The following MTUS2 variants were observed in gnomAD, a reference collection of about 807,000 sequenced individuals.
MTUS2 encodes microtubule associated scaffold protein 2.
A neutral mutation model predicts 114.1 loss-of-function variants in MTUS2; 40 were observed. That is an observed-to-expected ratio of 0.35 (90% CI 0.27 to 0.46). MTUS2 has a LOEUF of 0.46. Among genes scored for constraint, MTUS2 ranks in the 20% least tolerant of loss-of-function variants. The probability of loss-of-function intolerance (pLI) is 1.00; values close to 1 mark genes in which losing one functional copy is unlikely to be tolerated. For missense variants in MTUS2, 1,679 were observed against 1,705.4 expected, an observed-to-expected ratio of 0.98 and a Z score of 0.27; for synonymous variants, 688 against 672.0, an observed-to-expected ratio of 1.02 and a Z score of -0.37.
chr13:29,420,469 G>C (rs1022256715), intron 8 of MTUS2, among the ~76,000 whole-genome samples: 14 of 151,920 alleles, frequency 9.2e-5, no homozygotes, highest in African/African-American at 3.1e-4. Context: ...GTAGAGAGAG[G>C]GTTTCACCAT....
intron 5 of MTUS2, among the ~76,000 whole-genome samples, chr13:29,176,677 G>T (rs766987097): frequency 6.6e-6 from 1 of 152,096 alleles, no homozygotes; most frequent in Non-Finnish European, 1.5e-5. Flanking sequence ...TCCCTTTCAC[G>T]AGGGCTCCAC....
rs200473116 is a variant in MTUS2 at position 29,144,365 on chromosome 13, ATT to A, written c.2644+43409_2644+43410del. Reference sequence around the variant, plus strand: ...CATCTGGAGGTCTGACTGGGGAATAATTTTTTTTTTTTTTTGAGTTGGGGGTG... The same window carrying A: ...CATCTGGAGGTCTGACTGGGGAATAATTTTTTTTTTTTTGAGTTGGGGGTG... On this transcript the variant is annotated intron_variant, in intron 5 of 15. Transcript: ENST00000612955. Among the ~76,000 whole-genome samples the A allele has an allele frequency of 3.1e-3, 443 of 142,850 alleles. 1 individual carries two copies. Among genetic ancestry groups the A allele is most frequent in the African/African-American group, 0.01 (397 of 38,868 alleles). 93.7% of individuals were successfully genotyped at this position (142,850 alleles called of 152,430 possible).
chr13:28,870,823 C>G (rs981459206), intron 2 of MTUS2, among the ~76,000 whole-genome samples: 3 of 152,170 alleles, frequency 2.0e-5, no homozygotes, highest in Non-Finnish European at 2.9e-5. Context: ...TTCCTCCTCC[C>G]CATGAATGAC....
At chr13:29,231,974 T>G (rs560953886) in intron 5 of MTUS2, among the ~76,000 whole-genome samples, 1 of 152,340 alleles carries the variant, frequency 6.6e-6, no homozygotes, top group South Asian at 2.1e-4. Flanking sequence ...TATAAGAATT[T>G]TTTTACTTAT....
At chr13:29,249,795 A>G (rs1478901930) in intron 5 of MTUS2, among the ~76,000 whole-genome samples, 2 of 152,162 alleles carry the variant, frequency 1.3e-5, no homozygotes, top group Non-Finnish European at 2.9e-5. Flanking sequence ...TATTTAATAA[A>G]TGGTTCTGGG....
intron 2 of MTUS2, among the ~76,000 whole-genome samples, chr13:28,900,737 T>A (rs1278264021): frequency 6.6e-6 from 1 of 152,202 alleles, no homozygotes; most frequent in African/African-American, 2.4e-5. Flanking sequence ...ACATACATTG[T>A]ATTAGTTGAC....
intron 5 of MTUS2, among the ~76,000 whole-genome samples, chr13:29,234,535 A>G (rs1896458046): frequency 6.6e-6 from 1 of 152,168 alleles, no homozygotes; most frequent in African/African-American, 2.4e-5. Flanking sequence ...TTAAAAAATT[A>G]TTTTGATGGA....
intron 2 of MTUS2, among the ~76,000 whole-genome samples, chr13:28,905,039 G>A (rs1879900781): frequency 6.6e-6 from 1 of 151,636 alleles, no homozygotes; most frequent in African/African-American, 2.4e-5. Flanking sequence ...GTTCACTCAT[G>A]ATTTGGCTCT....
At chr13:28,985,526 T>C (rs1834004315) in intron 2 of MTUS2, among the ~76,000 whole-genome samples, 1 of 152,128 alleles carries the variant, frequency 6.6e-6, no homozygotes, top group Admixed American at 6.5e-5. Flanking sequence ...TTCCTTATAT[T>C]TTAAAATATT....
chr13:29,361,688 G>C (rs1298778210), intron 8 of MTUS2, among the ~76,000 whole-genome samples: 2 of 152,082 alleles, frequency 1.3e-5, no homozygotes, highest in Non-Finnish European at 2.9e-5. Flanking sequence ...GAGAACCCAA[G>C]GTACCCCATG....
At chr13:28,974,932 T>C (rs368743285) in intron 2 of MTUS2, among the ~76,000 whole-genome samples, 1 of 152,240 alleles carries the variant, frequency 6.6e-6, no homozygotes, top group African/African-American at 2.4e-5. Context: ...AAAGAAAATA[T>C]GCATAGCTCT....
At chr13:28,961,031 G>A (rs912361489) in intron 2 of MTUS2, among the ~76,000 whole-genome samples, 1 of 152,098 alleles carries the variant, frequency 6.6e-6, no homozygotes, top group Non-Finnish European at 1.5e-5. Flanking sequence ...GAATGGAGGA[G>A]ACAGAGGAGA....
chr13:28,933,673 C>T lies in MTUS2; in HGVS notation c.-242-90784C>T, dbSNP rs945763524. On this transcript the variant is annotated intron_variant, in intron 2 of 15. Transcript: ENST00000612955. ...CCTTGTGGGGCTTAGCGTCCAGTGACTGTTGTTTTGTTTTATCCTTACAGA... is the reference window on the plus strand; with the variant it reads ...CCTTGTGGGGCTTAGCGTCCAGTGATTGTTGTTTTGTTTTATCCTTACAGA... Among the ~76,000 whole-genome samples the T allele has an allele frequency of 7.9e-5, 12 of 152,178 alleles. 1 individual carries two copies.
At chr13:29,091,535 C>A (rs1889950017) in intron 4 of MTUS2, among the ~76,000 whole-genome samples, 1 of 152,098 alleles carries the variant, frequency 6.6e-6, no homozygotes, top group Admixed American at 6.6e-5. Flanking sequence ...CTTTCATGAG[C>A]TTTTGCCCAG....
At chr13:29,268,652 C>T (rs1048357744) in intron 5 of MTUS2, among the ~76,000 whole-genome samples, 4 of 152,162 alleles carry the variant, frequency 2.6e-5, no homozygotes, top group Non-Finnish European at 5.9e-5. Flanking sequence ...ACATCTACCC[C>T]ACACTCTGCT....
At chr13:29,111,993 G>A (rs755562961) in intron 5 of MTUS2, among the ~76,000 whole-genome samples, 2 of 152,100 alleles carry the variant, frequency 1.3e-5, no homozygotes, top group Non-Finnish European at 2.9e-5. Context: ...ATGTTGAGAA[G>A]CATTCCTATA....
chr13:29,093,010 C>T (rs1229602837), intron 4 of MTUS2, among the ~76,000 whole-genome samples: 1 of 152,140 alleles, frequency 6.6e-6, no homozygotes, highest in Non-Finnish European at 1.5e-5. Context: ...TTACCACCCT[C>T]ACTCCTGTCC....
intron 2 of MTUS2, among the ~76,000 whole-genome samples, chr13:28,980,089 A>G (rs1421676191): frequency 1.3e-5 from 2 of 152,164 alleles, no homozygotes; most frequent in Non-Finnish European, 2.9e-5. Context: ...TTAGATGATG[A>G]ATTTTGAAAA....
chr13:28,856,598 G>A (rs1291635470), intron 2 of MTUS2, among the ~76,000 whole-genome samples: 1 of 152,186 alleles, frequency 6.6e-6, no homozygotes. Flanking sequence ...TGGTGCTGAT[G>A]TTTGCAGTTG....
Sources: gnomAD v4.1 joint callset for allele counts (sites outside exome capture counted in the v4.1 genomes callset) on GRCh38, gnomAD v4.1.1 for gene constraint, MANE v1.5 for transcripts, NCBI Gene and HGNC (gene_info 2026-07-23, HGNC 2026-07-21) for gene names.